The following KSR2 variants were observed in gnomAD, a reference collection of about 807,000 sequenced individuals.
KSR2 encodes kinase suppressor of ras 2.
In KSR2, 25 loss-of-function variants were observed where a neutral mutation model predicts 107.8. The ratio of observed to expected loss-of-function variants is 0.23; its 90% CI spans 0.17 to 0.32. KSR2 has a LOEUF of 0.32. Ranked by LOEUF, KSR2 falls within the 10% of genes least tolerant of loss-of-function variation. The pLI is 1.00. For missense variants in KSR2, 887 were observed against 1,268.9 expected, an observed-to-expected ratio of 0.70 and a Z score of 4.57; for synonymous variants, 480 against 507.0, an observed-to-expected ratio of 0.95 and a Z score of 0.71.
intron 3 of KSR2, among the ~76,000 whole-genome samples, chr12:117,777,175 C>CTATATATATATATATATATATA (rs56862811): frequency 4.4e-4 from 60 of 136,790 alleles, no homozygotes; most frequent in Middle Eastern, 3.8e-3. Flanking sequence ...CATATATACA[C>CTATATATATATATATATATATA]TATATATATA....
intron 5 of KSR2, among the ~76,000 whole-genome samples, chr12:117,630,817 T>C (rs552543654): frequency 6.6e-6 from 1 of 152,092 alleles, no homozygotes; most frequent in Non-Finnish European, 1.5e-5. Context: ...ATGAGTGGTA[T>C]TGATGGGTAG....
intron 3 of KSR2, among the ~76,000 whole-genome samples, chr12:117,780,268 A>G (rs1889839555): frequency 1.3e-5 from 2 of 152,234 alleles, no homozygotes; most frequent in Admixed American, 1.3e-4. Flanking sequence ...ACCAATGTTC[A>G]GAGTAGCATT....
At chr12:117,511,375 A>G (rs1329574066) in intron 14 of KSR2, among the ~76,000 whole-genome samples, 2 of 152,248 alleles carry the variant, frequency 1.3e-5, no homozygotes, top group African/African-American at 2.4e-5. Context: ...GCAATGACCT[A>G]TGAAATTCAT....
At chr12:117,963,873 T>C (rs928570238) in intron 1 of KSR2, among the ~76,000 whole-genome samples, 1 of 152,132 alleles carries the variant, frequency 6.6e-6, no homozygotes, top group Admixed American at 6.6e-5. Flanking sequence ...TGCTCTCCCC[T>C]TTTGCTGCAA....
intron 1 of KSR2, among the ~76,000 whole-genome samples, chr12:117,927,134 G>A (rs74836832): frequency 0.046 from 7,051 of 152,228 alleles, 203 homozygotes; most frequent in East Asian, 0.16. Flanking sequence ...CCAGCACTTT[G>A]GGAGGCCGAG....
At chr12:117,644,511 C>A (rs993224851) in intron 5 of KSR2, among the ~76,000 whole-genome samples, 6 of 152,160 alleles carry the variant, frequency 3.9e-5, no homozygotes, top group Non-Finnish European at 7.4e-5. Context: ...AACCCCTGGA[C>A]CCTATCCTCC....
At position 117,513,968 on chromosome 12, in the gene KSR2, G is replaced by T. The variant is rs145812766; in HGVS notation, c.2219+10884C>A. 2.6e-5 allele frequency among the ~76,000 whole-genome samples: 4 copies of T among 152,224 alleles called. No homozygotes were observed. In the East Asian group the frequency reaches 7.7e-4, roughly 29 times the overall value. Reference sequence around the variant, plus strand: ...GGATTGCATGGTACCTACTTCAGAGGGTTGTTAATTACAACGTTGTCTCCC... The same window carrying T: ...GGATTGCATGGTACCTACTTCAGAGTGTTGTTAATTACAACGTTGTCTCCC... On this transcript the variant is annotated intron_variant, in intron 14 of 19. Coordinates refer to ENST00000339824, the MANE Select transcript of KSR2 (RefSeq NM_173598.6).
At position 117,587,827 on chromosome 12, in the gene KSR2, G is replaced by T. The variant is rs570708808; in HGVS notation, c.1172-5468C>A. Among the ~76,000 whole-genome samples, 6 of 152,322 alleles carry T rather than the reference G, an allele frequency of 3.9e-5. No individual in the cohort carries two copies. The East Asian group carries it at 1.2e-3, about 29-fold the overall frequency. On this transcript the variant is annotated intron_variant, in intron 5 of 19. Coordinates refer to ENST00000339824, the MANE Select transcript of KSR2 (RefSeq NM_173598.6). ...CCCGATGTGCGTTAGAATGGAAGCA[G>T]CAGGACGCTGTGCTGGGCAGTATGC... is the stretch of plus-strand genomic sequence containing the variant.
At chr12:117,920,435 A>G (rs1262511282) in intron 1 of KSR2, among the ~76,000 whole-genome samples, 1 of 151,894 alleles carries the variant, frequency 6.6e-6, no homozygotes, top group Non-Finnish European at 1.5e-5. Context: ...AAGAAAAAGA[A>G]TATAGGTCTT....
chr12:117,514,201 G>A (rs1184944010), intron 14 of KSR2, among the ~76,000 whole-genome samples: 1 of 152,232 alleles, frequency 6.6e-6, no homozygotes, highest in Non-Finnish European at 1.5e-5. Flanking sequence ...CCAAAGGCCT[G>A]CCAACTCCCT....
At position 117,467,053 on chromosome 12, in the gene KSR2, C is replaced by T. The variant is rs1010794472; in HGVS notation, c.*146G>A. 15 of 499,856 alleles carry T rather than the reference C, an allele frequency of 3.0e-5. No individual in the cohort carries two copies. The highest frequency in any genetic ancestry group is 1.2e-4 in the Admixed American group (3 of 24,844). The allele number at this position is 499,856 out of a possible 1,614,324, so 31.0% of individuals were successfully genotyped here. ...CAAGTCTGAGGTGCAGGGAGGCCGC[C>T]GAGCAGTTGTCCAGTGCTCCCAGGT... On this transcript the variant is annotated 3_prime_UTR_variant, in exon 20 of 20. Transcript: ENST00000339824.
At chr12:117,818,557 G>T (rs913525797) in intron 3 of KSR2, among the ~76,000 whole-genome samples, 1 of 152,226 alleles carries the variant, frequency 6.6e-6, no homozygotes, top group Admixed American at 6.5e-5. Context: ...CTGGGAGAAC[G>T]CAGTGAATGA....
intron 9 of KSR2, among the ~76,000 whole-genome samples, chr12:117,543,872 G>C (rs772402518): frequency 2.0e-5 from 3 of 152,124 alleles, no homozygotes; most frequent in Admixed American, 2.0e-4. Context: ...TCTGGTGATG[G>C]CCAGCAATTC....
intron 16 of KSR2, among the ~76,000 whole-genome samples, chr12:117,480,265 T>C (rs61937214): frequency 0.15 from 22,377 of 152,034 alleles, 2,192 homozygotes; most frequent in East Asian, 0.4. Flanking sequence ...TCCTGACTCA[T>C]GGGGTCAGCA....
At chr12:117,544,427 G>A (rs531656503) in intron 9 of KSR2, among the ~76,000 whole-genome samples, 1 of 152,200 alleles carries the variant, frequency 6.6e-6, no homozygotes, top group East Asian at 1.9e-4. Context: ...AGACCAGCCT[G>A]GCCAATATAG....
intron 1 of KSR2, among the ~76,000 whole-genome samples, chr12:117,905,683 AC>A (rs1169214315): frequency 6.6e-6 from 1 of 152,174 alleles, no homozygotes; most frequent in Non-Finnish European, 1.5e-5. Flanking sequence ...AGGAGAAAAC[AC>A]TTTGCCTGAG....
intron 5 of KSR2, among the ~76,000 whole-genome samples, chr12:117,635,596 G>A (rs1442412811): frequency 6.6e-6 from 1 of 152,074 alleles, no homozygotes; most frequent in Non-Finnish European, 1.5e-5. Context: ...AAGAAATAAA[G>A]AACAGAAAAT....
intron 5 of KSR2, among the ~76,000 whole-genome samples, chr12:117,588,765 G>T (rs1193925354): frequency 6.6e-6 from 1 of 152,218 alleles, no homozygotes; most frequent in African/African-American, 2.4e-5. Context: ...GATGTGACCT[G>T]CTGTGTGTCT....
intron 7 of KSR2, among the ~76,000 whole-genome samples, chr12:117,566,451 C>T (rs1179794219): frequency 6.6e-6 from 1 of 152,160 alleles, no homozygotes; most frequent in African/African-American, 2.4e-5. Context: ...GTGTTCTCAT[C>T]ATTTAGCTCC....
Sources: allele counts gnomAD v4.1 joint callset (sites outside exome capture counted in the v4.1 genomes callset), GRCh38; gene constraint gnomAD v4.1.1; transcripts MANE v1.5; gene names NCBI Gene and HGNC (gene_info 2026-07-23, HGNC 2026-07-21).